Variants in STARD13 observed in about 807,000 individuals in gnomAD.
STARD13 encodes StAR related lipid transfer domain containing 13, also known as stAR-related lipid transfer protein 13.
A neutral mutation model predicts 106.4 loss-of-function variants in STARD13; 62 were observed. The observed-to-expected ratio is 0.58, with a 90% CI of 0.48 to 0.72. The LOEUF (loss-of-function observed/expected upper bound fraction) is 0.72, where lower values mean the gene tolerates loss of function less well. STARD13 is among the 30% of genes least tolerant of loss of function. The pLI, the probability that STARD13 is intolerant of heterozygous loss-of-function variation, is 0.00. For synonymous variants in STARD13, 565 were observed against 553.0 expected, an observed-to-expected ratio of 1.02 and a Z score of -0.31; for missense variants, 1,387 against 1,424.0, an observed-to-expected ratio of 0.97 and a Z score of 0.42.
chr13:33,616,747 GTAAT>G, the STARD13 span, among the ~76,000 whole-genome samples: 14 of 152,322 alleles, frequency 9.2e-5, no homozygotes, highest in East Asian at 2.5e-3. Flanking sequence ...TTATGCTGTA[GTAAT>G]TAAGTAATTA....
the STARD13 span, among the ~76,000 whole-genome samples, chr13:33,497,926 G>T: frequency 6.6e-6 from 1 of 152,156 alleles, no homozygotes; most frequent in Admixed American, 6.6e-5. Flanking sequence ...CAAGGGAATT[G>T]ATAAATACAG....
At chr13:33,237,612 G>A (rs1889256336) in intron 1 of STARD13, among the ~76,000 whole-genome samples, 1 of 152,072 alleles carries the variant, frequency 6.6e-6, no homozygotes, top group Admixed American at 6.6e-5. Flanking sequence ...GACATTTCTG[G>A]ATCATACCAC....
chr13:33,518,528 C>T, the STARD13 span, among the ~76,000 whole-genome samples: 4 of 151,982 alleles, frequency 2.6e-5, no homozygotes, highest in Non-Finnish European at 5.9e-5. Context: ...CAGGAGACCT[C>T]ATTTTTGTTA....
At chr13:33,147,407 T>C (rs2764608) in intron 3 of STARD13, among the ~76,000 whole-genome samples, 70,691 of 152,010 alleles carry the variant, frequency 0.47, 16,654 homozygotes, top group East Asian at 0.58. Flanking sequence ...CCTGCTGCAG[T>C]GCTGAAGCCA....
intron 1 of STARD13, among the ~76,000 whole-genome samples, chr13:33,224,330 T>C (rs1888507569): frequency 6.6e-6 from 1 of 152,222 alleles, no homozygotes; most frequent in South Asian, 2.1e-4. Context: ...TAGTACTGTA[T>C]CTTTACAATA....
the STARD13 span, chr13:33,661,241 G>A: frequency 6.6e-6 from 1 of 152,198 alleles, no homozygotes; most frequent in South Asian, 2.1e-4. Context: ...AAATTGTAAT[G>A]TCAAGGATAC....
At chr13:33,209,459 C>CTTT (rs59609576) in intron 1 of STARD13, among the ~76,000 whole-genome samples, 40,338 of 148,770 alleles carry the variant, frequency 0.27, 6,190 homozygotes, top group Middle Eastern at 0.38. Flanking sequence ...CTCTCTCTCT[C>CTTT]TTTTTTTTTT....
chr13:33,318,653 A>G (rs2138521476), intron 1 of STARD13, among the ~76,000 whole-genome samples: 1 of 152,284 alleles, frequency 6.6e-6, no homozygotes, highest in South Asian at 2.1e-4. Flanking sequence ...GGGAAAAAAT[A>G]CTTGCAAATC....
the STARD13 span, among the ~76,000 whole-genome samples, chr13:33,467,082 A>G: frequency 6.6e-6 from 1 of 152,060 alleles, no homozygotes; most frequent in Admixed American, 6.6e-5. Context: ...CAAAAACATT[A>G]CATTTATTGT....
At chr13:33,594,510 G>A in the STARD13 span, among the ~76,000 whole-genome samples, 1 of 152,162 alleles carries the variant, frequency 6.6e-6, no homozygotes, top group South Asian at 2.1e-4. Flanking sequence ...TCTAAAAATT[G>A]TGGTAAAATA....
At chr13:33,448,718 C>T in the STARD13 span, among the ~76,000 whole-genome samples, 1 of 152,110 alleles carries the variant, frequency 6.6e-6, no homozygotes, top group African/African-American at 2.4e-5. Context: ...TTACATTTCC[C>T]CTACCAATGT....
chr13:33,409,048 T>C, the STARD13 span, among the ~76,000 whole-genome samples: 3 of 151,864 alleles, frequency 2.0e-5, no homozygotes, highest in East Asian at 5.8e-4. Flanking sequence ...GCCATCACCT[T>C]AACTCATATT....
the STARD13 span, among the ~76,000 whole-genome samples, chr13:33,447,935 A>G: frequency 3.3e-5 from 5 of 152,220 alleles, no homozygotes; most frequent in African/African-American, 1.2e-4. Context: ...TTGAGATAAT[A>G]AGCACAATTA....
Position 33,167,576 on chromosome 13 carries a change from G to C in STARD13, c.216C>G (p.Phe72Leu). 1.2e-6 allele frequency: 2 copies of C among 1,614,212 alleles called. No individual in the cohort carries two copies. The highest frequency in any genetic ancestry group is 1.7e-6 in the Non-Finnish European group (2 of 1,180,034). Residue 72 changes from phenylalanine (F) to leucine (L), a missense_variant, in exon 2 of 14, where the codon TTC becomes TTG. Transcript: ENST00000336934. ...CCTCATATAACTGAGCGTATTGCGGGAACCCGGCAGCACGGAGCCAGTCAC... is the reference window on the plus strand; with the variant it reads ...CCTCATATAACTGAGCGTATTGCGGCAACCCGGCAGCACGGAGCCAGTCAC... ...EACDWLRAAG[F>L]PQYAQLYEDS... is the part of the protein sequence containing the mutation.
At chr13:33,206,669 G>A (rs1055243548) in intron 1 of STARD13, among the ~76,000 whole-genome samples, 11 of 152,170 alleles carry the variant, frequency 7.2e-5, no homozygotes, top group African/African-American at 2.7e-4. Flanking sequence ...GCTTCTCTGG[G>A]TTAACCACTA....
At chr13:33,240,731 A>ATTTTATCCTTAAGGATCCTTAAGTT (rs1889440087) in intron 1 of STARD13, among the ~76,000 whole-genome samples, 1 of 151,854 alleles carries the variant, frequency 6.6e-6, no homozygotes, top group Admixed American at 6.6e-5. Context: ...ATCCTTAAGT[A>ATTTTATCCTTAAGGATCCTTAAGTT]TTTTATCCTT....
chr13:33,517,946 A>G, the STARD13 span, among the ~76,000 whole-genome samples: 1 of 152,168 alleles, frequency 6.6e-6, no homozygotes, highest in Admixed American at 6.6e-5. Context: ...GCTCCCTGCC[A>G]CACTCTTTCT....
At chr13:33,241,983 G>A (rs558186939) in intron 1 of STARD13, among the ~76,000 whole-genome samples, 43 of 152,110 alleles carry the variant, frequency 2.8e-4, no homozygotes, top group Admixed American at 2.3e-3. Context: ...AGTGAGGAGC[G>A]TCTCTGCCTG....
chr13:33,637,726 C>A, the STARD13 span, among the ~76,000 whole-genome samples: 1 of 152,146 alleles, frequency 6.6e-6, no homozygotes, highest in Non-Finnish European at 1.5e-5. Context: ...TTGTCAAAGA[C>A]TGAAAAATAG....
Sources: gnomAD v4.1 joint callset for allele counts (sites outside exome capture counted in the v4.1 genomes callset) on GRCh38, gnomAD v4.1.1 for gene constraint, MANE v1.5 for transcripts, NCBI Gene and HGNC (gene_info 2026-07-23, HGNC 2026-07-21) for gene names.